The following RBBP5 variants were observed in gnomAD, a reference collection of about 807,000 sequenced individuals.
The protein encoded by RBBP5 is RB binding protein 5, histone lysine methyltransferase complex subunit, also known as retinoblastoma-binding protein 5.
In RBBP5, 5 loss-of-function variants were observed where a neutral mutation model predicts 72.2. That is an observed-to-expected ratio of 0.07 (90% CI 0.04 to 0.15). The LOEUF is 0.15. Among genes scored for constraint, RBBP5 ranks in the 10% least tolerant of loss-of-function variants. The probability of loss-of-function intolerance (pLI) is 1.00; values close to 1 mark genes in which losing one functional copy is unlikely to be tolerated. For missense variants in RBBP5, 322 were observed against 652.2 expected, an observed-to-expected ratio of 0.49 and a Z score of 5.51; for synonymous variants, 209 against 237.2, an observed-to-expected ratio of 0.88 and a Z score of 1.09.
chr1:205,095,124 A>T, intron 12 of RBBP5, 60 bp from the exon 13 acceptor site: 1 of 1,499,034 alleles, frequency 6.7e-7, no homozygotes, highest in African/African-American at 1.4e-5. Context: ...CACCCCAACC[A>T]CAACTTTGTT....
chr1:205,116,221 CT>C (rs1656514011), intron 1 of RBBP5: 6 of 420,456 alleles, frequency 1.4e-5, no homozygotes, highest in South Asian at 1.4e-4. Context: ...ATTTTCCTCA[CT>C]AAATACTTTG....
chr1:205,096,645 C>A (rs146693821), intron 12 of RBBP5, 37 bp downstream of exon 12: 3 of 1,580,138 alleles, frequency 1.9e-6, no homozygotes, highest in Non-Finnish European at 2.6e-6. Context: ...TAGAAAGTGG[C>A]GTCTGCCAGG....
intron 2 of RBBP5, 40 bp from the exon 3 acceptor site, chr1:205,115,001 G>C (rs376209270): frequency 1.4e-5 from 21 of 1,497,822 alleles, no homozygotes; most frequent in Non-Finnish European, 1.6e-5. Context: ...GGCAACAATA[G>C]CCAGGTATCC....
intron 3 of RBBP5, among the ~76,000 whole-genome samples, chr1:205,109,887 G>A (rs902045165): frequency 2.0e-5 from 3 of 152,044 alleles, no homozygotes; most frequent in Non-Finnish European, 4.4e-5. Flanking sequence ...GGGGTGGCAA[G>A]CTCAGGCAGG....
intron 1 of RBBP5, among the ~76,000 whole-genome samples, chr1:205,118,204 T>C (rs1042302082): frequency 1.3e-5 from 2 of 152,216 alleles, no homozygotes; most frequent in Non-Finnish European, 1.5e-5. Context: ...TCCTCTTAGC[T>C]CTATTTACGA....
rs953731772 is a variant in RBBP5 at position 205,088,449 on chromosome 1, T to G, written c.*338A>C. On this transcript the variant is annotated 3_prime_UTR_variant, in exon 14 of 14. Coordinates refer to ENST00000264515, the MANE Select transcript of RBBP5 (RefSeq NM_005057.4). ...AGGAAATGACATGTCAAAATGACGC[T>G]GGGTACAATGAAGTTAGATGAGCAA... 8.4e-6 allele frequency: 2 copies of G among 238,482 alleles called. No homozygotes were observed. The highest frequency in any genetic ancestry group is 4.6e-5 in the African/African-American group (2 of 43,664). The allele number at this position is 238,482 out of a possible 1,614,324, so 14.8% of individuals were successfully genotyped here. A position where few individuals can be genotyped will look rare whatever the true frequency, so the allele number is the denominator to read the frequency against.
chr1:205,103,648 C>T (rs1655935705), intron 5 of RBBP5, among the ~76,000 whole-genome samples: 1 of 152,174 alleles, frequency 6.6e-6, no homozygotes, highest in African/African-American at 2.4e-5. Context: ...AAGGTCCTCC[C>T]ATGCTTTTCT....
At chr1:205,107,775 G>A (rs565529101) in intron 3 of RBBP5, among the ~76,000 whole-genome samples, 15 of 152,052 alleles carry the variant, frequency 9.9e-5, no homozygotes, top group East Asian at 3.9e-4. Context: ...CTGAAAACCC[G>A]TCTCTACTAA....
chr1:205,107,087 T>TACACAC (rs140160270), intron 3 of RBBP5, among the ~76,000 whole-genome samples: 7 of 149,866 alleles, frequency 4.7e-5, no homozygotes, highest in Admixed American at 1.3e-4. Flanking sequence ...TATATATATA[T>TACACAC]ACACACACAC....
chr1:205,088,007 G>A lies in RBBP5; in HGVS notation c.*780C>T, dbSNP rs1655199194. ...ACACCTGGGTTTGTTTCCATCTCTG[G>A]AAGCCAGCACAGGTAAAGCAATATA... On this transcript the variant is annotated 3_prime_UTR_variant, in exon 14 of 14. Transcript: ENST00000264515. 6.6e-6 allele frequency: 1 copy of A among 152,338 alleles called. No homozygotes were observed. The highest frequency in any genetic ancestry group is 2.4e-5 in the African/African-American group (1 of 41,438). The allele number at this position is 152,338 out of a possible 1,614,324, so 9.4% of individuals were successfully genotyped here. A position where few individuals can be genotyped will look rare whatever the true frequency, so the allele number is the denominator to read the frequency against.
At chr1:205,088,844 T>C (rs1655225949) in intron 13 of RBBP5, 29 bp from the exon 14 acceptor site, 3 of 1,552,144 alleles carry the variant, frequency 1.9e-6, no homozygotes, top group Non-Finnish European at 1.7e-6. Context: ...AAAAGATTTC[T>C]TTTAGCTTCA....
At chr1:205,088,885 T>C in intron 13 of RBBP5, 70 bp from the exon 14 acceptor site, 1 of 1,394,770 alleles carries the variant, frequency 7.2e-7, no homozygotes, top group Non-Finnish European at 9.8e-7. Flanking sequence ...AGAACAGAAA[T>C]ACTGAATGCT....
At chr1:205,104,100 T>G in intron 4 of RBBP5, 81 bp from the exon 5 acceptor site, 1 of 1,417,860 alleles carries the variant, frequency 7.1e-7, no homozygotes, top group Non-Finnish European at 9.6e-7. Flanking sequence ...CTGATCCCTG[T>G]CCATACCCTC....
intron 3 of RBBP5, among the ~76,000 whole-genome samples, chr1:205,107,904 CT>C (rs1240704127): frequency 2.1e-5 from 3 of 140,242 alleles, no homozygotes; most frequent in South Asian, 2.3e-4. Flanking sequence ...CGAGATCGCG[CT>C]ATTGCACTCC....
intron 5 of RBBP5, among the ~76,000 whole-genome samples, chr1:205,103,223 C>CAAAAAAAAAAAAAAAAA (rs35295093): frequency 1.1e-5 from 1 of 91,402 alleles, no homozygotes. Flanking sequence ...GACTCCATCT[C>CAAAAAAAAAAAAAAAAA]AAAAAAAAAA....
intron 12 of RBBP5, among the ~76,000 whole-genome samples, chr1:205,095,951 G>A (rs1173554363): frequency 6.6e-6 from 1 of 152,196 alleles, no homozygotes; most frequent in Non-Finnish European, 1.5e-5. Flanking sequence ...CCAGCACTTA[G>A]GGAGGCCGAG....
Position 205,093,558 on chromosome 1 carries a change from A to ACACACACACACG in RBBP5, c.1588+1314_1588+1315insCGTGTGTGTGTG, listed in dbSNP as rs1553352239. On this transcript the variant is annotated intron_variant, in intron 13 of 13. Transcript: ENST00000264515. The stretch of plus-strand genomic sequence containing the variant: ...TACACACACACACACACACACACAC[A>ACACACACACACG]CACACACACACAGCATTATATGTAT... 2.3e-3 allele frequency among the ~76,000 whole-genome samples: 268 copies of ACACACACACACG among 115,934 alleles called. 23 individuals carry two copies. Among genetic ancestry groups the ACACACACACACG allele is most frequent in the African/African-American group, 9.5e-3 (249 of 26,248 alleles). 76.1% of individuals were successfully genotyped at this position (115,934 alleles called of 152,430 possible). A position where few individuals can be genotyped will look rare whatever the true frequency, so the allele number is the denominator to read the frequency against.
chr1:205,098,968 T>C (rs766420758), intron 10 of RBBP5, 21 bp downstream of exon 10: 10 of 1,425,842 alleles, frequency 7.0e-6, no homozygotes, highest in Non-Finnish European at 9.5e-6. Flanking sequence ...GGAAATCCTG[T>C]CTGCAATTTA....
At chr1:205,098,721 T>C (rs562138224) in intron 10 of RBBP5, among the ~76,000 whole-genome samples, 3 of 151,922 alleles carry the variant, frequency 2.0e-5, no homozygotes, top group Admixed American at 6.6e-5. Context: ...GGCAGGCACC[T>C]GTAATCCCAG....
Sources: allele counts gnomAD v4.1 joint callset (sites outside exome capture counted in the v4.1 genomes callset), GRCh38; gene constraint gnomAD v4.1.1; transcripts MANE v1.5; gene names NCBI Gene and HGNC (gene_info 2026-07-23, HGNC 2026-07-21).